The following PDE4D variants were observed in gnomAD, a reference collection of about 807,000 sequenced individuals.
The protein encoded by PDE4D is 3',5'-cyclic-AMP phosphodiesterase 4D.
A neutral mutation model predicts 87.4 loss-of-function variants in PDE4D; 24 were observed. The observed-to-expected ratio is 0.27, with a 90% CI of 0.20 to 0.39. The LOEUF is 0.39. PDE4D is among the 10% of genes least tolerant of loss of function. The pLI is 1.00. For missense variants in PDE4D, 714 were observed against 1,041.0 expected (o/e 0.69, Z 4.32); for synonymous variants, 384 against 383.2 (o/e 1.00, Z -0.02).
intron 1 of PDE4D, among the ~76,000 whole-genome samples, chr5:59,578,018 T>C (rs536941821): frequency 2.0e-5 from 3 of 152,282 alleles, no homozygotes; most frequent in South Asian, 2.1e-4. Flanking sequence ...GTAAGCTTCA[T>C]AGCGGTTTTG....
intron 1 of PDE4D, among the ~76,000 whole-genome samples, chr5:60,501,822 G>A (rs1400336183): frequency 2.0e-5 from 3 of 152,124 alleles, no homozygotes; most frequent in East Asian, 1.9e-4. Context: ...GTCTGTTCGT[G>A]TCCTTCGCCC....
intron 1 of PDE4D, among the ~76,000 whole-genome samples, chr5:60,249,924 A>G (rs1748236786): frequency 6.6e-6 from 1 of 152,038 alleles, no homozygotes; most frequent in African/African-American, 2.4e-5. Context: ...TGCATTTATG[A>G]TGCCATATAA....
chr5:59,790,285 C>T (rs1022371603), intron 1 of PDE4D, among the ~76,000 whole-genome samples: 6 of 152,158 alleles, frequency 3.9e-5, no homozygotes, highest in African/African-American at 1.4e-4. Context: ...AAAGAAGCCA[C>T]TCACTCTTAT....
intron 6 of PDE4D, among the ~76,000 whole-genome samples, chr5:59,037,169 T>C (rs1489434706): frequency 6.6e-6 from 1 of 152,206 alleles, no homozygotes; most frequent in Non-Finnish European, 1.5e-5. Context: ...CAGTTTTAAA[T>C]CCAAACATAG....
intron 3 of PDE4D, among the ~76,000 whole-genome samples, chr5:59,191,576 CT>C (rs1416774033): frequency 4.6e-5 from 7 of 150,566 alleles, no homozygotes; most frequent in South Asian, 4.2e-4. Flanking sequence ...TCTTTCTTTC[CT>C]TTTTTTTTCT....
chr5:59,679,814 T>G (rs932822126), intron 1 of PDE4D, among the ~76,000 whole-genome samples: 1 of 152,118 alleles, frequency 6.6e-6, no homozygotes, highest in African/African-American at 2.4e-5. Flanking sequence ...ATAATGTACA[T>G]GTATGTAACT....
chr5:60,248,259 G>A (rs1472065833), intron 1 of PDE4D, among the ~76,000 whole-genome samples: 1 of 152,046 alleles, frequency 6.6e-6, no homozygotes, highest in African/African-American at 2.4e-5. Flanking sequence ...AATCAGAAAT[G>A]AAGGTGGAAA....
chr5:59,234,774 A>G (rs906006852), intron 1 of PDE4D, among the ~76,000 whole-genome samples: 1 of 152,212 alleles, frequency 6.6e-6, no homozygotes, highest in Non-Finnish European at 1.5e-5. Flanking sequence ...ACTTGGGGGA[A>G]AAAAGAACCC....
At chr5:60,044,762 C>A (rs922820582) in intron 2 of PDE4D, among the ~76,000 whole-genome samples, 1 of 152,154 alleles carries the variant, frequency 6.6e-6, no homozygotes, top group African/African-American at 2.4e-5. Flanking sequence ...TCCAGTCTAT[C>A]ATTGATGGAC....
At chr5:59,503,833 A>G (rs1808756797) in intron 1 of PDE4D, among the ~76,000 whole-genome samples, 1 of 152,196 alleles carries the variant, frequency 6.6e-6, no homozygotes, top group Admixed American at 6.5e-5. Flanking sequence ...AAATGCATTT[A>G]TATCTAAAGG....
At chr5:59,440,635 G>T (rs112491937) in intron 1 of PDE4D, among the ~76,000 whole-genome samples, 2,405 of 152,306 alleles carry the variant, frequency 0.016, 83 homozygotes, top group African/African-American at 0.055. Context: ...AATTAGCTGT[G>T]CATAGTGGTG....
At position 60,115,465 on chromosome 5, in the gene PDE4D, A is replaced by G. The variant is rs1396717308; in HGVS notation, c.42+70092T>C. ...TTGAAGACACCAAATAATGAGGATA[A>G]TTATTTTTAAAAAACTAGTAATTTT... On this transcript the variant is annotated intron_variant, in intron 2 of 16. Transcript: ENST00000502484. 2.6e-5 allele frequency among the ~76,000 whole-genome samples: 4 copies of G among 152,250 alleles called. No individual in the cohort carries two copies. The South Asian group carries it at 8.3e-4, about 32-fold the overall frequency.
chr5:59,265,577 G>C (rs986445525), intron 1 of PDE4D, among the ~76,000 whole-genome samples: 1 of 152,094 alleles, frequency 6.6e-6, no homozygotes, highest in African/African-American at 2.4e-5. Context: ...TAAGCTAACA[G>C]TTCCTGGTCA....
chr5:60,429,952 A>G, intron 1 of PDE4D: 1 of 513,042 alleles, frequency 1.9e-6, no homozygotes, highest in Non-Finnish European at 3.9e-6. Context: ...GGTAACAGGT[A>G]CGTAGGCAAC....
chr5:59,181,867 C>A (rs1003254280), intron 4 of PDE4D, among the ~76,000 whole-genome samples: 6 of 152,060 alleles, frequency 3.9e-5, no homozygotes, highest in Non-Finnish European at 8.8e-5. Flanking sequence ...TTTTGTGGAA[C>A]CTGCATGCAC....
At chr5:60,017,140 T>G (rs780020475) in intron 2 of PDE4D, among the ~76,000 whole-genome samples, 1 of 152,214 alleles carries the variant, frequency 6.6e-6, no homozygotes, top group Non-Finnish European at 1.5e-5. Flanking sequence ...CAATGAGCAG[T>G]AATATTTTGA....
At chr5:59,314,604 T>A (rs1773326669) in intron 1 of PDE4D, 1 of 152,086 alleles carries the variant, frequency 6.6e-6, no homozygotes, top group South Asian at 2.1e-4. Flanking sequence ...CTGTCATCAA[T>A]AAACCCTATT....
chr5:59,380,099 TC>T (rs1785472253), intron 1 of PDE4D, among the ~76,000 whole-genome samples: 1 of 152,182 alleles, frequency 6.6e-6, no homozygotes, highest in East Asian at 1.9e-4. Flanking sequence ...TAAGCATTTT[TC>T]TGAAATAAAA....
At chr5:60,087,345 G>A (rs1411834458) in intron 2 of PDE4D, among the ~76,000 whole-genome samples, 1 of 152,026 alleles carries the variant, frequency 6.6e-6, no homozygotes, top group African/African-American at 2.4e-5. Flanking sequence ...AAAGACACAA[G>A]GATTGTGGAA....
Sources: allele counts gnomAD v4.1 joint callset (sites outside exome capture counted in the v4.1 genomes callset), GRCh38; gene constraint gnomAD v4.1.1; transcripts MANE v1.5; gene names NCBI Gene and HGNC (gene_info 2026-07-23, HGNC 2026-07-21).